FAM227B: variants seen among roughly 807,000 people sequenced by gnomAD.
FAM227B encodes family with sequence similarity 227 member B.
FAM227B carries 88 observed loss-of-function variants against 73.8 expected under a neutral mutation model. The ratio of observed to expected loss-of-function variants is 1.19; its 90% CI spans 1.00 to 1.42. The LOEUF (loss-of-function observed/expected upper bound fraction) is 1.42, where lower values mean the gene tolerates loss of function less well. Among genes scored for constraint, FAM227B ranks in the 40% most tolerant of loss-of-function variants. The pLI is 0.00. For synonymous variants in FAM227B, 210 were observed against 190.5 expected (o/e 1.10, Z -0.84); for missense variants, 632 against 590.9 (o/e 1.07, Z -0.72).
rs531307190 is a variant in FAM227B at position 49,514,204 on chromosome 15, C to T, written c.875-5856G>A. ...ACTTTGGGCAGTATGGCCATTTTCA[C>T]GATATTGATTTTTCCTATCCATGAG... On this transcript the variant is annotated intron_variant, in intron 10 of 15. Coordinates refer to ENST00000299338, the MANE Select transcript of FAM227B (RefSeq NM_152647.3). Among the ~76,000 whole-genome samples, 95 of 152,130 alleles carry T rather than the reference C, an allele frequency of 6.2e-4. 1 individual carries two copies. The highest frequency in any genetic ancestry group is 2.1e-3 in the African/African-American group (87 of 41,526).
intron 11 of FAM227B, among the ~76,000 whole-genome samples, chr15:49,427,807 C>T (rs778921069): frequency 6.6e-6 from 1 of 151,850 alleles, no homozygotes; most frequent in Non-Finnish European, 1.5e-5. Context: ...TCTGCTTCCA[C>T]AATGTTTTGG....
intron 14 of FAM227B, among the ~76,000 whole-genome samples, chr15:49,332,512 C>T (rs1198454314): frequency 6.6e-6 from 1 of 152,068 alleles, no homozygotes; most frequent in East Asian, 1.9e-4. Context: ...CAGGAAGCAG[C>T]AGGAACCTTT....
chr15:49,548,428 T>C (rs2072279527), intron 9 of FAM227B, among the ~76,000 whole-genome samples: 1 of 152,228 alleles, frequency 6.6e-6, no homozygotes, highest in African/African-American at 2.4e-5. Flanking sequence ...TTGTAGTATC[T>C]TGTTGAGGAT....
intron 13 of FAM227B, among the ~76,000 whole-genome samples, chr15:49,336,710 T>A (rs2039778146): frequency 6.6e-6 from 1 of 152,226 alleles, no homozygotes; most frequent in Admixed American, 6.5e-5. Flanking sequence ...AAAAATAATT[T>A]CAACTTTTAT....
intron 3 of FAM227B, among the ~76,000 whole-genome samples, chr15:49,602,019 A>G (rs1334795779): frequency 6.6e-6 from 1 of 152,208 alleles, no homozygotes; most frequent in Non-Finnish European, 1.5e-5. Context: ...TAAAGGTACC[A>G]CATTCTCTTT....
intron 11 of FAM227B, among the ~76,000 whole-genome samples, chr15:49,480,578 T>C (rs1597468771): frequency 1.4e-5 from 2 of 147,646 alleles, no homozygotes; most frequent in Admixed American, 7.1e-5. Flanking sequence ...GCCTTCTGGG[T>C]TCATGCAATT....
At chr15:49,478,394 TA>T (rs1354209453) in intron 11 of FAM227B, among the ~76,000 whole-genome samples, 3 of 152,124 alleles carry the variant, frequency 2.0e-5, no homozygotes, top group African/African-American at 7.2e-5. Context: ...TATATTGATA[TA>T]TTTTTTGCAT....
intron 1 of FAM227B, among the ~76,000 whole-genome samples, chr15:49,617,787 T>C (rs2078388769): frequency 6.6e-6 from 1 of 151,294 alleles, no homozygotes; most frequent in Non-Finnish European, 1.5e-5. Context: ...TGTGTGTGTG[T>C]GTGTGTGTGT....
intron 11 of FAM227B, among the ~76,000 whole-genome samples, chr15:49,426,256 A>G (rs1356243218): frequency 1.3e-5 from 2 of 151,826 alleles, no homozygotes; most frequent in Admixed American, 6.6e-5. Context: ...TTCTATTTTA[A>G]ACCGCAGAAT....
intron 5 of FAM227B, among the ~76,000 whole-genome samples, chr15:49,581,084 C>T (rs1033557638): frequency 3.3e-5 from 5 of 152,210 alleles, no homozygotes; most frequent in East Asian, 1.9e-4. Flanking sequence ...TCCCAAATCT[C>T]GTTAGAGAGG....
In FAM227B at chr15:49,558,089, C is replaced by T. The variant is rs79184109; in HGVS notation, c.747+10156G>A. Among the ~76,000 whole-genome samples, 1,222 of 151,466 alleles carry T rather than the reference C, an allele frequency of 8.1e-3. 18 individuals carry two copies. The highest frequency in any genetic ancestry group is 0.029 in the African/African-American group (1,180 of 41,122). ...CCTCCTATCCCCACTGCTCCTCATC[C>T]GGCAGGGCTTGCTGACTTGGGCTCC... On this transcript the variant is annotated intron_variant, in intron 9 of 15. Coordinates refer to ENST00000299338, the MANE Select transcript of FAM227B (RefSeq NM_152647.3).
chr15:49,463,960 T>A (rs900457400), intron 11 of FAM227B, among the ~76,000 whole-genome samples: 8 of 152,188 alleles, frequency 5.3e-5, no homozygotes, highest in African/African-American at 1.9e-4. Context: ...GAGTTACTAT[T>A]TTTATCCTAG....
intron 11 of FAM227B, among the ~76,000 whole-genome samples, chr15:49,407,540 T>C (rs909692259): frequency 3.3e-5 from 5 of 151,908 alleles, no homozygotes; most frequent in Non-Finnish European, 7.4e-5. Context: ...CTCCCCTATT[T>C]TTAAAATTTT....
intron 9 of FAM227B, among the ~76,000 whole-genome samples, chr15:49,553,321 G>A (rs2073260662): frequency 6.6e-6 from 1 of 152,184 alleles, no homozygotes; most frequent in Non-Finnish European, 1.5e-5. Context: ...AATGTAGGTG[G>A]AGTGACACAA....
intron 9 of FAM227B, among the ~76,000 whole-genome samples, chr15:49,562,130 G>A (rs1418028666): frequency 1.3e-5 from 2 of 151,566 alleles, no homozygotes; most frequent in Non-Finnish European, 2.9e-5. Flanking sequence ...AAAAGGAGAA[G>A]ATCCAAATAA....
At chr15:49,538,387 G>A (rs1470981468) in intron 10 of FAM227B, among the ~76,000 whole-genome samples, 2 of 152,090 alleles carry the variant, frequency 1.3e-5, no homozygotes, top group Non-Finnish European at 2.9e-5. Flanking sequence ...AACTGCTCTG[G>A]GGGACCTAAG....
Position 49,489,909 on chromosome 15 carries a change from G to GAGAGAGAGAC in FAM227B, c.1012+18301_1012+18302insGTCTCTCTCT, listed in dbSNP as rs1555505100. Among the ~76,000 whole-genome samples the GAGAGAGAGAC allele has an allele frequency of 9.4e-5, 5 of 53,152 alleles. 2 individuals carry two copies. The South Asian group carries it at 3.3e-3, about 35-fold the overall frequency. 34.9% of individuals were successfully genotyped at this position (53,152 alleles called of 152,430 possible). A position where few individuals can be genotyped will look rare whatever the true frequency, so the allele number is the denominator to read the frequency against. ...AGAGAGAGAGAGAGAGAGAGAGAGA[G>GAGAGAGAGAC]AGAGACAGAGAGAGAGACAGAGAGA... On this transcript the variant is annotated intron_variant, in intron 11 of 15. Coordinates refer to ENST00000299338, the MANE Select transcript of FAM227B (RefSeq NM_152647.3).
At chr15:49,339,254 C>T (rs928822859) in intron 13 of FAM227B, among the ~76,000 whole-genome samples, 1 of 152,276 alleles carries the variant, frequency 6.6e-6, no homozygotes, top group Middle Eastern at 3.4e-3. Flanking sequence ...TGGTTTCTCC[C>T]CATCTTCATG....
intron 11 of FAM227B, among the ~76,000 whole-genome samples, chr15:49,383,769 C>G (rs1281855644): frequency 6.6e-6 from 1 of 151,932 alleles, no homozygotes; most frequent in Non-Finnish European, 1.5e-5. Context: ...TTTAATTTCA[C>G]CAGAAACTAA....
Sources: gnomAD v4.1 joint callset for allele counts (sites outside exome capture counted in the v4.1 genomes callset) on GRCh38, gnomAD v4.1.1 for gene constraint, MANE v1.5 for transcripts, NCBI Gene and HGNC (gene_info 2026-07-23, HGNC 2026-07-21) for gene names.